NUGGC: variants seen among roughly 807,000 people sequenced by gnomAD.
The protein encoded by NUGGC is nuclear GTPase SLIP-GC.
A neutral mutation model predicts 92.6 loss-of-function variants in NUGGC; 58 were observed. That is an observed-to-expected ratio of 0.63 (90% CI 0.51 to 0.78). NUGGC has a LOEUF of 0.78. Ranked by LOEUF, NUGGC falls within the 30% of genes least tolerant of loss-of-function variation. The pLI is 0.00. For missense variants in NUGGC, 925 were observed against 964.6 expected, an observed-to-expected ratio of 0.96 and a Z score of 0.54; for synonymous variants, 376 against 366.4, an observed-to-expected ratio of 1.03 and a Z score of -0.30.
At chr8:28,048,313 C>G (rs545893089) in intron 10 of NUGGC, among the ~76,000 whole-genome samples, 15 of 152,276 alleles carry the variant, frequency 9.9e-5, no homozygotes, top group Admixed American at 4.6e-4. Context: ...AATGTATCCC[C>G]CTCCAAAATT....
chr8:28,050,920 A>G (rs1342076587), intron 10 of NUGGC, among the ~76,000 whole-genome samples: 5 of 152,124 alleles, frequency 3.3e-5, no homozygotes, highest in African/African-American at 1.2e-4. Context: ...CATGAAAATT[A>G]TGTTGCAGTG....
intron 3 of NUGGC, chr8:28,070,002 C>G (rs1011113002): frequency 1.5e-6 from 1 of 648,302 alleles, no homozygotes; most frequent in Non-Finnish European, 1.9e-6. Flanking sequence ...AAGCACCAAC[C>G]TCATCATTTT....
At chr8:28,037,831 A>G (rs1259217542) in intron 13 of NUGGC, among the ~76,000 whole-genome samples, 2 of 152,174 alleles carry the variant, frequency 1.3e-5, no homozygotes, top group Admixed American at 6.5e-5. Context: ...TTTTGTCACA[A>G]CTGAAGAGTG....
At chr8:28,045,711 T>A (rs1809815345) in intron 11 of NUGGC, 51 bp from the exon 12 acceptor site, 3 of 1,568,886 alleles carry the variant, frequency 1.9e-6, no homozygotes, top group Non-Finnish European at 2.6e-6. Flanking sequence ...AAGTTTGTGG[T>A]CAATAGAATT....
intron 7 of NUGGC, among the ~76,000 whole-genome samples, chr8:28,062,823 A>G (rs1371971757): frequency 6.6e-6 from 1 of 152,184 alleles, no homozygotes; most frequent in African/African-American, 2.4e-5. Context: ...AGCAACCATA[A>G]AGGGTGCAGT....
At chr8:28,044,012 ATG>A (rs1259045853) in intron 12 of NUGGC, among the ~76,000 whole-genome samples, 1 of 152,142 alleles carries the variant, frequency 6.6e-6, no homozygotes, top group Non-Finnish European at 1.5e-5. Context: ...TGCCCCTTTT[ATG>A]CAGAAGAAAG....
At chr8:28,032,937 A>G (rs1809461237) in intron 14 of NUGGC, among the ~76,000 whole-genome samples, 1 of 151,962 alleles carries the variant, frequency 6.6e-6, no homozygotes, top group Non-Finnish European at 1.5e-5. Flanking sequence ...ATGGGGGAGG[A>G]TCATTTAAGG....
chr8:28,064,820 T>C, intron 6 of NUGGC, 89 bp from the exon 7 acceptor site: 1 of 1,116,002 alleles, frequency 9.0e-7, no homozygotes, highest in South Asian at 1.4e-5. Flanking sequence ...ATGGTAAGTA[T>C]GCTGAGTAAG....
Position 28,060,440 on chromosome 8 carries a change from C to T in NUGGC, c.1083G>A (p.Leu361=). ...CAGCACAATACCTTAGGTATTCTGG[C>T]AAGTGGAGTTTGTCCATCTTGGTGA... The part of the protein sequence containing the change: ...LVVTKMDKLH[L]PEYLRERKAG... The change falls in exon 8 of 19, where the codon TTG becomes TTA. Residue 361 remains leucine (L), a synonymous_variant. Transcript: ENST00000413272. 1 of 1,613,648 alleles carries T rather than the reference C, an allele frequency of 6.2e-7. No individual in the cohort carries two copies. Among genetic ancestry groups the T allele is most frequent in the Non-Finnish European group, 8.5e-7 (1 of 1,179,732 alleles).
intron 1 of NUGGC, among the ~76,000 whole-genome samples, chr8:28,080,502 C>A (rs898586652): frequency 2.6e-5 from 4 of 152,142 alleles, no homozygotes; most frequent in African/African-American, 9.7e-5. Context: ...CTTAAATTAG[C>A]AAAGTTTCTC....
intron 8 of NUGGC, among the ~76,000 whole-genome samples, chr8:28,060,020 C>CA (rs202110525): frequency 0.18 from 25,157 of 142,428 alleles, 2,171 homozygotes; most frequent in South Asian, 0.27. Context: ...GACTCTGTGC[C>CA]AAAAAAAAAA....
intron 6 of NUGGC, among the ~76,000 whole-genome samples, chr8:28,065,773 C>T (rs1367640352): frequency 6.6e-6 from 1 of 152,152 alleles, no homozygotes; most frequent in African/African-American, 2.4e-5. Context: ...TAAATTAAAT[C>T]GCTGGATTTG....
In NUGGC at chr8:28,026,983, C is replaced by T; in HGVS notation, c.2224G>A (p.Gly742Ser). 6.2e-7 allele frequency: 1 copy of T among 1,613,472 alleles called. No individual in the cohort carries two copies. The highest frequency in any genetic ancestry group is 8.5e-7 in the Non-Finnish European group (1 of 1,179,390). The change falls in exon 18 of 19, where the codon GGC becomes AGC. Residue 742 changes from glycine to serine, a missense_variant. Gly to Ser is a moderately conservative substitution (Grantham distance 56, BLOSUM62 0). Coordinates refer to ENST00000413272, the MANE Select transcript of NUGGC (RefSeq NM_001010906.2). ...TTACCTGCAAGCTCCTTGTAGAGGCCATCCCCCTGGGACGAAGCAAGGGCC... is the reference window on the plus strand; with the variant it reads ...TTACCTGCAAGCTCCTTGTAGAGGCTATCCCCCTGGGACGAAGCAAGGGCC... ...MLALASSQGD[G>S]LYKELADVGS...
At chr8:28,024,297 G>A (rs1008785968) in intron 18 of NUGGC, among the ~76,000 whole-genome samples, 2 of 148,988 alleles carry the variant, frequency 1.3e-5, no homozygotes, top group African/African-American at 5.0e-5. Flanking sequence ...CACCCGCCTC[G>A]GCCTCCCAAA....
At chr8:28,031,573 G>A (rs1271392757) in intron 14 of NUGGC, among the ~76,000 whole-genome samples, 192 bp from the exon 15 acceptor site, 2 of 152,220 alleles carry the variant, frequency 1.3e-5, no homozygotes, top group African/African-American at 4.8e-5. Flanking sequence ...TGAAGTTCGT[G>A]AGATAATGCT....
intron 8 of NUGGC, 182 bp downstream of exon 8, chr8:28,060,244 G>A (rs1417401575): frequency 1.1e-5 from 8 of 717,516 alleles, no homozygotes; most frequent in Admixed American, 2.0e-5. Flanking sequence ...AGATTCCTAA[G>A]ACAACCCAAC....
chr8:28,024,448 G>A (rs993311530), intron 18 of NUGGC, among the ~76,000 whole-genome samples: 1 of 152,050 alleles, frequency 6.6e-6, no homozygotes, highest in Admixed American at 6.5e-5. Context: ...TGTCCTGTGG[G>A]CCTCCCTGCA....
At chr8:28,082,963 C>T (rs1810886439) in intron 1 of NUGGC, among the ~76,000 whole-genome samples, 1 of 152,144 alleles carries the variant, frequency 6.6e-6, no homozygotes, top group Non-Finnish European at 1.5e-5. Context: ...AATTCACTTT[C>T]CCTCAAGAAA....
At chr8:28,054,353 G>T (rs1404184429) in intron 10 of NUGGC, among the ~76,000 whole-genome samples, 4 of 152,084 alleles carry the variant, frequency 2.6e-5, no homozygotes, top group African/African-American at 9.6e-5. Context: ...ATAGTGGCAG[G>T]CACTTGTAAT....
Sources: allele counts gnomAD v4.1 joint callset (sites outside exome capture counted in the v4.1 genomes callset), GRCh38; gene constraint gnomAD v4.1.1; transcripts MANE v1.5; gene names NCBI Gene and HGNC (gene_info 2026-07-23, HGNC 2026-07-21).